MYH11: variants seen among roughly 807,000 people sequenced by gnomAD.
MYH11 encodes myosin-11.
In MYH11, 80 loss-of-function variants were observed where a neutral mutation model predicts 246.6. The ratio of observed to expected loss-of-function variants is 0.32; its 90% CI spans 0.27 to 0.39. The LOEUF (loss-of-function observed/expected upper bound fraction) is 0.39. Ranked by LOEUF, MYH11 falls within the 10% of genes least tolerant of loss-of-function variation. The pLI is 1.00. For missense variants in MYH11, 2,158 were observed against 2,546.8 expected (o/e 0.85, Z 3.29); for synonymous variants, 1,071 against 1,015.5 (o/e 1.05, Z -1.04).
At chr16:15,827,366 C>T (rs7190323) in intron 2 of MYH11, among the ~76,000 whole-genome samples, 7,975 of 152,280 alleles carry the variant, frequency 0.052, 314 homozygotes, top group African/African-American at 0.11. Context: ...TTAACCAGCT[C>T]AAGACAAAGC....
chr16:15,727,159 CAG>C (rs973352473), intron 27 of MYH11, 105 bp from the exon 28 acceptor site: 18 of 954,598 alleles, frequency 1.9e-5, no homozygotes, highest in Middle Eastern at 2.2e-4. Context: ...AGGCACACAA[CAG>C]GGGGCACACA....
rs148719891 is a variant in MYH11 at position 15,816,255 on chromosome 16, G to C, written c.502+7000C>G. On this transcript the variant is annotated intron_variant, in intron 3 of 40. Transcript: ENST00000300036. Reference sequence around the variant, plus strand: ...ATGACAGTTACTAGCTATAGAGAAAGCCAGGGCAGATCAGAAGGCTATAGT... The same window carrying C: ...ATGACAGTTACTAGCTATAGAGAAACCCAGGGCAGATCAGAAGGCTATAGT... Among the ~76,000 whole-genome samples, 146 of 152,290 alleles carry C rather than the reference G, an allele frequency of 9.6e-4. 1 individual carries two copies. Among genetic ancestry groups the C allele is most frequent in the African/African-American group, 3.4e-3 (141 of 41,562 alleles).
intron 37 of MYH11, 117 bp downstream of exon 37, chr16:15,718,198 T>C: frequency 6.5e-7 from 1 of 1,536,126 alleles, no homozygotes; most frequent in Non-Finnish European, 8.9e-7. Flanking sequence ...ACCACCCTCT[T>C]GTCCCTCAAT....
intron 15 of MYH11, among the ~76,000 whole-genome samples, chr16:15,752,528 C>T (rs930695238): frequency 2.6e-5 from 4 of 152,128 alleles, no homozygotes; most frequent in African/African-American, 9.7e-5. Flanking sequence ...CCATCCCTGG[C>T]CCCAGACCTG....
chr16:15,830,972 G>C (rs555051201), intron 2 of MYH11, among the ~76,000 whole-genome samples: 2 of 152,182 alleles, frequency 1.3e-5, no homozygotes, highest in Non-Finnish European at 2.9e-5. Context: ...AGGAGATCGA[G>C]ACCAGCCTGG....
chr16:15,783,047 G>A (rs902292908), intron 5 of MYH11: 2 of 156,902 alleles, frequency 1.3e-5, no homozygotes, highest in Admixed American at 6.1e-5. Flanking sequence ...GCGGACTGCG[G>A]AATAAAGCTT....
chr16:15,757,508 T>TAAAAAAAAAAAAA (rs71134455), intron 13 of MYH11, among the ~76,000 whole-genome samples: 1 of 65,484 alleles, frequency 1.5e-5, no homozygotes, highest in Non-Finnish European at 2.7e-5. Flanking sequence ...GACCATGTCA[T>TAAAAAAAAAAAAA]AAAAAAAAAA....
intron 5 of MYH11, chr16:15,786,165 C>A (rs1047124283): frequency 1.5e-5 from 5 of 336,288 alleles, no homozygotes; most frequent in Non-Finnish European, 2.9e-5. Context: ...GGGCAACTGT[C>A]CCACCCCAGG....
At chr16:15,818,627 G>T (rs547244628) in intron 3 of MYH11, among the ~76,000 whole-genome samples, 1 of 151,786 alleles carries the variant, frequency 6.6e-6, no homozygotes, top group African/African-American at 2.4e-5. Context: ...TAGTAGAGAC[G>T]GAGATTCACC....
chr16:15,708,249 GA>G (rs1332932834), intron 40 of MYH11, among the ~76,000 whole-genome samples: 1 of 152,194 alleles, frequency 6.6e-6, no homozygotes, highest in Non-Finnish European at 1.5e-5. Context: ...TTCCTTCGCA[GA>G]CAAGCCTGTG....
Position 15,719,255 on chromosome 16 carries a change from TTCC to T in MYH11, c.5133_5135del (p.Glu1712del). 1 of 1,613,574 alleles carries T rather than the reference TTCC, an allele frequency of 6.2e-7. No individual in the cohort carries two copies. Among genetic ancestry groups the T allele is most frequent in the Non-Finnish European group, 8.5e-7 (1 of 1,180,040 alleles). On this transcript the variant is annotated inframe_deletion, in exon 36 of 41. Transcript: ENST00000300036. ...GGCTACTGGCCAGCTCCTCTGCCAG[TTCC>T]TCCTTCTCGAGGTCCGCTTGTTTGC...
chr16:15,797,794 T>C (rs1230774540), intron 4 of MYH11, among the ~76,000 whole-genome samples: 1 of 152,236 alleles, frequency 6.6e-6, no homozygotes, highest in African/African-American at 2.4e-5. Flanking sequence ...GGGAATGCTC[T>C]ACCTTCTAGT....
chr16:15,792,725 T>C (rs936875968), intron 4 of MYH11: 4 of 152,178 alleles, frequency 2.6e-5, no homozygotes, highest in Non-Finnish European at 4.4e-5. Flanking sequence ...CATTTATTTA[T>C]TTTATTGTTA....
chr16:15,838,829 C>G (rs2043975025), intron 1 of MYH11, among the ~76,000 whole-genome samples: 2 of 144,824 alleles, frequency 1.4e-5, no homozygotes, highest in South Asian at 4.4e-4. Flanking sequence ...TGCACTCCAG[C>G]CTGGGTGACA....
intron 6 of MYH11, among the ~76,000 whole-genome samples, chr16:15,780,760 G>C (rs2042334278): frequency 6.6e-6 from 1 of 152,006 alleles, no homozygotes; most frequent in South Asian, 2.1e-4. Context: ...TGGGTTTACA[G>C]GTGTGAGCCA....
intron 6 of MYH11, among the ~76,000 whole-genome samples, chr16:15,781,303 G>A (rs942346768): frequency 6.6e-6 from 1 of 152,186 alleles, no homozygotes; most frequent in Admixed American, 6.5e-5. Flanking sequence ...ATACGTGTAG[G>A]AGGTGATACT....
At chr16:15,718,922 G>A in intron 36 of MYH11, 1 of 437,810 alleles carries the variant, frequency 2.3e-6, no homozygotes, top group South Asian at 2.1e-5. Context: ...AAGGTCAGGA[G>A]TTCAAGACTA....
In MYH11 at chr16:15,750,612, A is replaced by G. The variant is rs547019419; in HGVS notation, c.1865-281T>C. ...CACTGACTAGCCTTGGCTTGGCACTATCCTGTGCCTCAGTCTCCCTTTCTA... is the reference window on the plus strand; with the variant it reads ...CACTGACTAGCCTTGGCTTGGCACTGTCCTGTGCCTCAGTCTCCCTTTCTA... On this transcript the variant is annotated intron_variant, in intron 15 of 40. Coordinates refer to ENST00000300036, the MANE Select transcript of MYH11 (RefSeq NM_002474.3). This position sits in a 1 kb window ranked among gnomAD's most constrained non-coding sequence, Gnocchi z 4.3. Among the ~76,000 whole-genome samples the G allele has an allele frequency of 7.9e-5, 12 of 152,230 alleles. No individual in the cohort carries two copies. The highest frequency in any genetic ancestry group is 2.4e-4 in the African/African-American group (10 of 41,560).
intron 1 of MYH11, among the ~76,000 whole-genome samples, chr16:15,855,066 G>T (rs2044427900): frequency 6.6e-6 from 1 of 152,096 alleles, no homozygotes; most frequent in Non-Finnish European, 1.5e-5. Context: ...GGGCATGTTT[G>T]CCTCAATCTC....
Sources: gnomAD v4.1 joint callset for allele counts (sites outside exome capture counted in the v4.1 genomes callset) on GRCh38, gnomAD v4.1.1 for gene constraint, Gnocchi (gnomAD v3.1) non-coding constraint, MANE v1.5 for transcripts, NCBI Gene and HGNC (gene_info 2026-07-23, HGNC 2026-07-21) for gene names.